Variants in PRRC2B observed in about 807,000 individuals in gnomAD.
PRRC2B encodes the protein protein PRRC2B.
In PRRC2B, 68 loss-of-function variants were observed where a neutral mutation model predicts 242.3. The ratio of observed to expected loss-of-function variants is 0.28; its 90% CI spans 0.23 to 0.34. The LOEUF (loss-of-function observed/expected upper bound fraction) is 0.34, where lower values mean the gene tolerates loss of function less well. Ranked by LOEUF, PRRC2B falls within the 10% of genes least tolerant of loss-of-function variation. PRRC2B has a pLI of 1.00. For synonymous variants in PRRC2B, 1,228 were observed against 1,173.6 expected (o/e 1.05, Z -0.95); for missense variants, 2,835 against 2,954.8 (o/e 0.96, Z 0.94).
Position 131,476,007 on chromosome 9 carries a change from A to T in PRRC2B, c.3878A>T (p.Asn1293Ile). The T allele has an allele frequency of 1.2e-6, 2 of 1,607,254 alleles. No homozygotes were observed. Among genetic ancestry groups the T allele is most frequent in the Non-Finnish European group, 8.5e-7 (1 of 1,174,844 alleles). Residue 1293 changes from asparagine to isoleucine, a missense_variant, in exon 16 of 32, where the codon AAT (asparagine) becomes ATT (isoleucine). Physicochemically the swap from Asn to Ile is moderately radical, Grantham distance 149. Transcript: ENST00000683519. Reference protein sequence around the residue: ...FQDEHVADSENAENRPFRRRR... With the variant: ...FQDEHVADSEIAENRPFRRRR... ...GATGAACACGTGGCAGATTCTGAAA[A>T]TGCAGAGAACCGGCCCTTCAGGAGA...
intron 1 of PRRC2B, among the ~76,000 whole-genome samples, chr9:131,425,273 A>G (rs1437986546): frequency 6.6e-6 from 1 of 152,066 alleles, no homozygotes; most frequent in Non-Finnish European, 1.5e-5. Context: ...GGCGTGAGCT[A>G]CCACGCCTGA....
At chr9:131,420,197 A>ACT (rs1228953124) in intron 1 of PRRC2B, among the ~76,000 whole-genome samples, 5 of 152,270 alleles carry the variant, frequency 3.3e-5, no homozygotes, top group Admixed American at 2.6e-4. Flanking sequence ...GGTTACCAGG[A>ACT]ACCCCACTTT....
intron 5 of PRRC2B, among the ~76,000 whole-genome samples, chr9:131,439,441 C>A (rs923038285): frequency 7.9e-5 from 12 of 152,228 alleles, no homozygotes; most frequent in African/African-American, 2.7e-4. Context: ...GGAAAGCCCA[C>A]AATTCACTTT....
Position 131,481,750 on chromosome 9 carries a change from A to G in PRRC2B, c.4925A>G (p.Asn1642Ser). The G allele has an allele frequency of 5.1e-6, 8 of 1,566,022 alleles. No individual in the cohort carries two copies. The highest frequency in any genetic ancestry group is 2.4e-5 in the East Asian group (1 of 41,954). Residue 1642 changes from asparagine (N) to serine (S), a missense_variant, in exon 20 of 32, where the codon AAC becomes AGC. Physicochemically the swap from Asn to Ser is conservative, Grantham distance 46 (BLOSUM62 1). Around this residue, in one of 7 missense-constraint regions of PRRC2B, gnomAD observed 1,536 missense variants for 1,483.1 expected, o/e 1.04. Coordinates refer to ENST00000683519, the MANE Select transcript of PRRC2B (RefSeq NM_013318.4). Reference sequence around the variant, plus strand: ...GCTCTCCCTGTGCAGGCCCCAGCCAACGACTCCTGGAGGAAAGCTGTCACT... The same window carrying G: ...GCTCTCCCTGTGCAGGCCCCAGCCAGCGACTCCTGGAGGAAAGCTGTCACT... ...SQALPVQAPA[N>S]DSWRKAVTAF...
chr9:131,404,907 A>C (rs1000641909), intron 1 of PRRC2B, among the ~76,000 whole-genome samples: 5 of 152,234 alleles, frequency 3.3e-5, no homozygotes, highest in African/African-American at 1.2e-4. Flanking sequence ...TTTGTATGTA[A>C]GCATGTAAGT....
At chr9:131,396,315 C>A (rs1483142599) in intron 1 of PRRC2B, among the ~76,000 whole-genome samples, 1 of 130,648 alleles carries the variant, frequency 7.7e-6, no homozygotes, top group Admixed American at 7.8e-5. Flanking sequence ...CTTCTTTTTT[C>A]TTTTCTTTTC....
Position 131,488,066 on chromosome 9 carries a change from C to T in PRRC2B, c.6195C>T (p.Ala2065=). Residue 2065 remains alanine (A), a synonymous_variant, in exon 28 of 32, where the codon GCC becomes GCT. Transcript: ENST00000683519. ...TCAGCCAGGCTGCTGGCCTGGGTGCCTCCCAGATGTTGGACTCCCAGCTCC... is the reference window on the plus strand; with the variant it reads ...TCAGCCAGGCTGCTGGCCTGGGTGCTTCCCAGATGTTGGACTCCCAGCTCC... ...GQLSQAAGLG[A]SQMLDSQLPQ... 6.2e-7 allele frequency: 1 copy of T among 1,613,306 alleles called. No individual in the cohort carries two copies. Among genetic ancestry groups the T allele is most frequent in the Non-Finnish European group, 8.5e-7 (1 of 1,179,482 alleles).
chr9:131,486,223 G>C, intron 26 of PRRC2B, 41 bp downstream of exon 26: 1 of 1,361,380 alleles, frequency 7.3e-7, no homozygotes, highest in South Asian at 1.2e-5. Context: ...GGGGTGGTGG[G>C]GAGGAGCCAG....
rs778974395 is a variant in PRRC2B, at chr9:131,478,523, G to A, written c.4662G>A (p.Val1554=). ...CCAGCCCCGGGGAGGAGAGTGAGGT[G>A]GGTTCTATGGTGGGCGAAGGCTTCA... is the stretch of plus-strand genomic sequence containing the variant. ...CGSSPGEESE[V]GSMVGEGFIE... Residue 1554 remains valine (V), a synonymous_variant, in exon 18 of 32, where the codon GTG becomes GTA. Transcript: ENST00000683519. 1 of 1,613,402 alleles carries A rather than the reference G, an allele frequency of 6.2e-7. No individual in the cohort carries two copies. The highest frequency in any genetic ancestry group is 1.7e-5 in the Admixed American group (1 of 59,988).
rs537446432 is a variant in PRRC2B at position 131,385,972 on chromosome 9, C to T, written c.-56+12241C>T. 2.7e-5 allele frequency among the ~76,000 whole-genome samples: 4 copies of T among 150,594 alleles called. No individual in the cohort carries two copies. In the East Asian group the frequency reaches 7.9e-4, roughly 30 times the overall value. On this transcript the variant is annotated intron_variant, in intron 1 of 1. Coordinates refer to the PRRC2B transcript ENST00000682525. ...CCTCCCAAAGTGCTGGGATTACAGG[C>T]GTGAACCACGGCGCCCGGCCATCAT...
At chr9:131,455,363 C>T (rs1943041019) in intron 10 of PRRC2B, among the ~76,000 whole-genome samples, 197 bp downstream of exon 10, 1 of 152,066 alleles carries the variant, frequency 6.6e-6, no homozygotes, top group Non-Finnish European at 1.5e-5. Context: ...TGACTGTGTC[C>T]TGTGCATAGT....
At chr9:131,427,345 T>TG (rs58302071) in intron 1 of PRRC2B, among the ~76,000 whole-genome samples, 16,358 of 151,386 alleles carry the variant, frequency 0.11, 1,089 homozygotes, top group Admixed American at 0.16. Context: ...GTGTGTGTGT[T>TG]TTTTTGATGG....
chr9:131,483,882 G>A (rs974665869), intron 23 of PRRC2B, among the ~76,000 whole-genome samples: 5 of 152,214 alleles, frequency 3.3e-5, no homozygotes, highest in Admixed American at 6.5e-5. Context: ...TGCATCTGTT[G>A]TGGCCACTCG....
intron 28 of PRRC2B, 61 bp from the exon 29 acceptor site, chr9:131,491,364 G>A: frequency 6.7e-7 from 1 of 1,485,838 alleles, no homozygotes; most frequent in South Asian, 1.4e-5. Context: ...TCGCTCTTTG[G>A]TGCGTTTGGG....
intron 1 of PRRC2B, among the ~76,000 whole-genome samples, chr9:131,412,491 C>T (rs1401938859): frequency 6.6e-6 from 1 of 152,196 alleles, no homozygotes; most frequent in Non-Finnish European, 1.5e-5. Context: ...TGCGTGCATG[C>T]ACACGCTGTT....
intron 8 of PRRC2B, 149 bp from the exon 9 acceptor site, chr9:131,447,513 T>G (rs1838842209): frequency 1.1e-6 from 1 of 917,678 alleles, no homozygotes; most frequent in South Asian, 2.0e-5. Context: ...TGTACTCGTT[T>G]GCTCATTATA....
chr9:131,395,861 A>C (rs146464928), intron 1 of PRRC2B, among the ~76,000 whole-genome samples: 181 of 152,324 alleles, frequency 1.2e-3, no homozygotes, highest in African/African-American at 4.2e-3. Context: ...GCAGTTGGTC[A>C]GTTTAAGGCA....
At chr9:131,489,280 G>A (rs987861922) in intron 28 of PRRC2B, among the ~76,000 whole-genome samples, 6 of 150,196 alleles carry the variant, frequency 4.0e-5, no homozygotes, top group African/African-American at 1.5e-4. Flanking sequence ...TCTGTCTCCT[G>A]GGTTCAAGCA....
At chr9:131,391,766 A>T (rs1836902268), upstream of PRRC2B, among the ~76,000 whole-genome samples, 1 of 152,116 alleles carries the variant, frequency 6.6e-6, no homozygotes, top group Non-Finnish European at 1.5e-5. Flanking sequence ...TTTGAGACAG[A>T]GTCTCTCTCT....
Sources: allele counts gnomAD v4.1 joint callset (sites outside exome capture counted in the v4.1 genomes callset), GRCh38; gene constraint gnomAD v4.1.1; regional missense constraint gnomAD v4.1.1; transcripts MANE v1.5; gene names NCBI Gene and HGNC (gene_info 2026-07-23, HGNC 2026-07-21).